Variants in ARID4A observed in about 807,000 individuals in gnomAD.
ARID4A encodes the protein AT-rich interactive domain-containing protein 4A.
Under a neutral mutation model 148.6 loss-of-function variants are expected in ARID4A, and 39 were observed. The ratio of observed to expected loss-of-function variants is 0.26; its 90% CI spans 0.20 to 0.34. ARID4A has a LOEUF of 0.34. ARID4A is among the 10% of genes least tolerant of loss of function. ARID4A has a pLI of 1.00. For missense variants in ARID4A, 1,265 were observed against 1,449.1 expected (o/e 0.87, Z 2.06); for synonymous variants, 475 against 481.2 (o/e 0.99, Z 0.17).
chr14:58,353,589 G>C lies in ARID4A; in HGVS notation c.1656-69G>C, dbSNP rs986284138. The stretch of plus-strand genomic sequence containing the variant: ...TAGGTTGTGAATAATCTACCTGTTG[G>C]ATTCTTTTAGCATATTTTATTCTCC... On this transcript the variant is annotated intron_variant, in intron 16 of 23. Coordinates refer to ENST00000355431, the MANE Select transcript of ARID4A (RefSeq NM_002892.4). The C allele has an allele frequency of 5.1e-6, 7 of 1,366,546 alleles. No individual in the cohort carries two copies. In the African/African-American group the frequency reaches 1.0e-4, roughly 20 times the overall value. The allele number at this position is 1,366,546 out of a possible 1,614,324, so 84.7% of individuals were successfully genotyped here. A position where few individuals can be genotyped will look rare whatever the true frequency, so the allele number is the denominator to read the frequency against.
At chr14:58,328,354 A>G (rs759677905) in intron 9 of ARID4A, 38 bp downstream of exon 9, 5 of 1,073,040 alleles carry the variant, frequency 4.7e-6, no homozygotes, top group Non-Finnish European at 6.7e-6. Flanking sequence ...ACGTGGGAGG[A>G]AAAAAAAAAT....
At chr14:58,358,294 C>A (rs1302484327) in intron 17 of ARID4A, among the ~76,000 whole-genome samples, 1 of 152,090 alleles carries the variant, frequency 6.6e-6, no homozygotes, top group Non-Finnish European at 1.5e-5. Context: ...CATGGCGAAA[C>A]CCCGTCTCTA....
rs988965225 is a variant in ARID4A, at chr14:58,360,793, A to G, written c.1939-108A>G. ...CTGTAAGCACAGACTAGGAAGTGACATATAAAATATCAAACCTTTTTTGAG... is the reference window on the plus strand; with the variant it reads ...CTGTAAGCACAGACTAGGAAGTGACGTATAAAATATCAAACCTTTTTTGAG... On this transcript the variant is annotated intron_variant, in intron 18 of 23. Coordinates refer to ENST00000355431, the MANE Select transcript of ARID4A (RefSeq NM_002892.4). 21 of 1,145,356 alleles carry G rather than the reference A, an allele frequency of 1.8e-5. No individual in the cohort carries two copies. In the African/African-American group the frequency reaches 2.5e-4, roughly 14 times the overall value. The allele number at this position is 1,145,356 out of a possible 1,614,324, so 70.9% of individuals were successfully genotyped here.
chr14:58,329,094 CTG>C (rs2140189036), intron 9 of ARID4A, among the ~76,000 whole-genome samples: 1 of 152,026 alleles, frequency 6.6e-6, no homozygotes, highest in Admixed American at 6.5e-5. Context: ...TTATAGTTCT[CTG>C]TGAAAAATTT....
At chr14:58,330,326 A>G (rs2033451894) in intron 11 of ARID4A, among the ~76,000 whole-genome samples, 157 bp downstream of exon 11, 1 of 152,190 alleles carries the variant, frequency 6.6e-6, no homozygotes, top group African/African-American at 2.4e-5. Context: ...ATTTTGGCTC[A>G]TAGCATAGTG....
In ARID4A at chr14:58,344,738, A is replaced by G. The variant is rs781669818; in HGVS notation, c.950A>G (p.Gln317Arg). 2.5e-6 allele frequency: 4 copies of G among 1,613,312 alleles called. No homozygotes were observed. Among genetic ancestry groups the G allele is most frequent in the Non-Finnish European group, 3.4e-6 (4 of 1,179,520 alleles). The change falls in exon 12 of 24, where the codon CAG becomes CGG. Residue 317 changes from glutamine to arginine, a missense_variant. By Grantham distance (43) the Gln-to-Arg change is conservative (BLOSUM62 1). Transcript: ENST00000355431. ...CCTGAAGAGAGGGACAACTTCCTCC[A>G]GCAGCTTTATAAGTTTATGGAAGAC... Reference protein sequence around the residue: ...LDPEERDNFLQQLYKFMEDRG... With the variant: ...LDPEERDNFLRQLYKFMEDRG...
chr14:58,348,014 C>CT (rs1221034580), intron 15 of ARID4A, 136 bp downstream of exon 15: 2 of 612,710 alleles, frequency 3.3e-6, no homozygotes, highest in African/African-American at 1.9e-5. Flanking sequence ...TAGCTAGCTA[C>CT]TTTTTTCGAA....
chr14:58,334,082 A>G (rs1442833460), intron 11 of ARID4A, among the ~76,000 whole-genome samples: 1 of 152,184 alleles, frequency 6.6e-6, no homozygotes, highest in African/African-American at 2.4e-5. Flanking sequence ...GTGTTAGTGT[A>G]AGAGTCTAAC....
intron 19 of ARID4A, 68 bp downstream of exon 19, chr14:58,361,110 A>C: frequency 2.7e-6 from 4 of 1,503,296 alleles, no homozygotes; most frequent in Non-Finnish European, 3.5e-6. Flanking sequence ...AAGGTGCTCA[A>C]TTTTGAGGAT....
At chr14:58,310,715 A>AT (rs201340682) in intron 5 of ARID4A, among the ~76,000 whole-genome samples, 1,416 of 140,864 alleles carry the variant, frequency 0.01, 16 homozygotes, top group East Asian at 0.057. Flanking sequence ...CCGGGCATTG[A>AT]TTTTTTTTTT....
chr14:58,329,401 G>A (rs542871537), intron 9 of ARID4A, 127 bp from the exon 10 acceptor site: 3 of 665,146 alleles, frequency 4.5e-6, no homozygotes, highest in Admixed American at 2.9e-5. Context: ...TAAGGACTAA[G>A]ATAAAAACAT....
intron 7 of ARID4A, among the ~76,000 whole-genome samples, chr14:58,322,369 A>G (rs568884052): frequency 6.6e-6 from 1 of 152,302 alleles, no homozygotes; most frequent in African/African-American, 2.4e-5. Flanking sequence ...CTAACTCCAT[A>G]GACTTCTACT....
intron 5 of ARID4A, among the ~76,000 whole-genome samples, chr14:58,309,936 C>T (rs766778028): frequency 1.3e-5 from 2 of 152,120 alleles, no homozygotes; most frequent in Non-Finnish European, 2.9e-5. Flanking sequence ...GAATGTCCTG[C>T]AGGTTTATAA....
At chr14:58,338,905 C>T (rs1299565631) in intron 11 of ARID4A, among the ~76,000 whole-genome samples, 4 of 138,086 alleles carry the variant, frequency 2.9e-5, no homozygotes, top group South Asian at 2.5e-4. Context: ...TGGAGTACAC[C>T]GCCCCACCCC....
At chr14:58,356,222 C>T (rs2034858555) in intron 17 of ARID4A, among the ~76,000 whole-genome samples, 1 of 152,276 alleles carries the variant, frequency 6.6e-6, no homozygotes, top group Non-Finnish European at 1.5e-5. Context: ...GTCGCCAGGA[C>T]CAAGTACACT....
At position 58,367,012 on chromosome 14, in the gene ARID4A, AAAAG is replaced by A. The variant is rs886971597; in HGVS notation, c.3659_3662del (p.Lys1220ThrfsTer20). The A allele has an allele frequency of 2.0e-6, 3 of 1,495,548 alleles. No individual in the cohort carries two copies. Among genetic ancestry groups the A allele is most frequent in the Non-Finnish European group, 2.7e-6 (3 of 1,129,354 alleles). The allele number at this position is 1,495,548 out of a possible 1,614,324, so 92.6% of individuals were successfully genotyped here. On this transcript the variant is annotated frameshift_variant, in exon 23 of 24. Coordinates refer to ENST00000355431, the MANE Select transcript of ARID4A (RefSeq NM_002892.4). LOFTEE classifies it high-confidence loss of function. ...ATAGACAGGAGGAGAAAAAGATTAA[AAAAG>A]AAAGACAGGGAAGGTAATTTTATTA...
At chr14:58,360,521 A>G (rs926076833) in intron 18 of ARID4A, among the ~76,000 whole-genome samples, 4 of 152,234 alleles carry the variant, frequency 2.6e-5, no homozygotes, top group Non-Finnish European at 5.9e-5. Context: ...GATGATAGAT[A>G]TCTTTCCTTT....
chr14:58,334,086 G>A (rs942079478), intron 11 of ARID4A, among the ~76,000 whole-genome samples: 2 of 152,094 alleles, frequency 1.3e-5, no homozygotes, highest in East Asian at 3.9e-4. Flanking sequence ...TAGTGTAAGA[G>A]TCTAACCCAG....
In ARID4A at chr14:58,361,060, A is replaced by G. The variant is rs747394962; in HGVS notation, c.2080+18A>G. The G allele has an allele frequency of 1.2e-5, 19 of 1,611,820 alleles. No individual in the cohort carries two copies. The highest frequency in any genetic ancestry group is 1.7e-5 in the Admixed American group (1 of 59,850). On this transcript the variant is annotated intron_variant, in intron 19 of 23. Transcript: ENST00000355431. ...AAAATCAGGTACCAGAAGTGCTCGC[A>G]GCAATATACCAGACAGCTCACCTCT...
Sources: allele counts gnomAD v4.1 joint callset (sites outside exome capture counted in the v4.1 genomes callset), GRCh38; gene constraint gnomAD v4.1.1; transcripts MANE v1.5; gene names NCBI Gene and HGNC (gene_info 2026-07-23, HGNC 2026-07-21).